INSC: variants seen among roughly 807,000 people sequenced by gnomAD.
INSC encodes INSC spindle orientation adaptor protein.
Under a neutral mutation model 58.6 loss-of-function variants are expected in INSC, and 67 were observed. The observed-to-expected ratio is 1.14, with a 90% CI of 0.94 to 1.40. The LOEUF (loss-of-function observed/expected upper bound fraction) is 1.40, where lower values mean the gene tolerates loss of function less well. INSC is among the 40% of genes most tolerant of loss of function. INSC has a pLI of 0.00. For synonymous variants in INSC, 262 were observed against 276.1 expected (o/e 0.95, Z 0.51); for missense variants, 714 against 692.0 (o/e 1.03, Z -0.36).
chr11:15,168,947 G>A (rs1849296874), intron 2 of INSC, among the ~76,000 whole-genome samples: 1 of 152,106 alleles, frequency 6.6e-6, no homozygotes, highest in Non-Finnish European at 1.5e-5. Flanking sequence ...AAAAATTTCA[G>A]AAAATGGAAA....
chr11:15,199,821 A>G (rs1466308622), intron 6 of INSC, among the ~76,000 whole-genome samples: 1 of 152,202 alleles, frequency 6.6e-6, no homozygotes, highest in Non-Finnish European at 1.5e-5. Flanking sequence ...AAAGAGGGAA[A>G]GATCTGGGCA....
intron 12 of INSC, among the ~76,000 whole-genome samples, chr11:15,244,058 A>C (rs184610620): frequency 6.6e-6 from 1 of 151,216 alleles, no homozygotes; most frequent in Non-Finnish European, 1.5e-5. Flanking sequence ...TGATAGGTCT[A>C]TGTTCTATTT....
intron 5 of INSC, among the ~76,000 whole-genome samples, chr11:15,187,950 T>C (rs536818224): frequency 6.6e-6 from 1 of 152,292 alleles, no homozygotes; most frequent in African/African-American, 2.4e-5. Flanking sequence ...GCAATTCCTA[T>C]GATGGATGCA....
chr11:15,195,012 G>C (rs1190858897), intron 6 of INSC, among the ~76,000 whole-genome samples: 1 of 152,174 alleles, frequency 6.6e-6, no homozygotes, highest in Non-Finnish European at 1.5e-5. Flanking sequence ...TGTGCTGCGT[G>C]GGTTGAGGAC....
chr11:15,267,614 C>A, the INSC span, among the ~76,000 whole-genome samples: 1 of 151,900 alleles, frequency 6.6e-6, no homozygotes, highest in South Asian at 2.1e-4. Context: ...CCTATCATGT[C>A]TTCACATGCT....
rs532289476 is a variant in INSC, at chr11:15,190,964, G to A, written c.693+150G>A. ...TGGGAGAGTCACTTATCCTATCTGG[G>A]ACTTGGTGTGTGCATTTTTTTTTTT... On this transcript the variant is annotated intron_variant, in intron 6 of 12. Coordinates refer to ENST00000379556, the MANE Select transcript of INSC (RefSeq NM_001042536.3). The A allele has an allele frequency of 6.5e-5, 37 of 571,356 alleles. 1 individual carries two copies. The South Asian group carries it at 8.4e-4, about 13-fold the overall frequency. 35.4% of individuals were successfully genotyped at this position (571,356 alleles called of 1,614,324 possible). A position where few individuals can be genotyped will look rare whatever the true frequency, so the allele number is the denominator to read the frequency against.
chr11:15,118,248 C>T (rs1439534570), intron 1 of INSC, among the ~76,000 whole-genome samples: 1 of 152,188 alleles, frequency 6.6e-6, no homozygotes, highest in Non-Finnish European at 1.5e-5. Context: ...GTCAGGGAAT[C>T]ATTTGTCACC....
At chr11:15,238,864 A>G in intron 10 of INSC, 55 bp from the exon 11 acceptor site, 1 of 1,571,940 alleles carries the variant, frequency 6.4e-7, no homozygotes, top group Middle Eastern at 1.7e-4. Context: ...AGCTGGCCCC[A>G]TGGGGAAGGC....
At chr11:15,232,322 A>G (rs944790374) in intron 9 of INSC, among the ~76,000 whole-genome samples, 8 of 152,168 alleles carry the variant, frequency 5.3e-5, no homozygotes, top group African/African-American at 1.9e-4. Context: ...GAGTCCTTTC[A>G]GGTTCTCCTG....
At chr11:15,190,859 A>G (rs757634839) in intron 6 of INSC, 45 bp downstream of exon 6, 1 of 1,315,860 alleles carries the variant, frequency 7.6e-7, no homozygotes, top group South Asian at 1.2e-5. Flanking sequence ...CTGGGGAAGT[A>G]TGAGGAAGCT....
intron 2 of INSC, among the ~76,000 whole-genome samples, chr11:15,156,328 G>A (rs1481756836): frequency 6.6e-6 from 1 of 152,216 alleles, no homozygotes; most frequent in East Asian, 1.9e-4. Context: ...GGGCAGTCTT[G>A]CATAGCAGAA....
chr11:15,210,753 C>T (rs75157945), intron 7 of INSC, among the ~76,000 whole-genome samples: 1 of 151,764 alleles, frequency 6.6e-6, no homozygotes, highest in African/African-American at 2.4e-5. Flanking sequence ...TCTCAGCCAC[C>T]CCTGAGTGCT....
intron 12 of INSC, among the ~76,000 whole-genome samples, chr11:15,242,325 C>T (rs1251147400): frequency 6.6e-6 from 1 of 152,198 alleles, no homozygotes. Flanking sequence ...TATCTTTAAT[C>T]ACTTGAAGGA....
chr11:15,225,212 C>T (rs987946515), intron 8 of INSC, among the ~76,000 whole-genome samples: 4 of 152,192 alleles, frequency 2.6e-5, no homozygotes, highest in East Asian at 1.9e-4. Context: ...CGCACCTCAG[C>T]GGAACACTAG....
chr11:15,261,116 G>C, the INSC span, among the ~76,000 whole-genome samples: 1 of 152,192 alleles, frequency 6.6e-6, no homozygotes, highest in Non-Finnish European at 1.5e-5. Context: ...ATATCCAAGA[G>C]ACTGAGAACT....
At chr11:15,221,931 A>G (rs1851458293) in intron 8 of INSC, among the ~76,000 whole-genome samples, 1 of 152,186 alleles carries the variant, frequency 6.6e-6, no homozygotes, top group Admixed American at 6.5e-5. Context: ...AGTCCAGGAC[A>G]AGCCCCAGAA....
chr11:15,204,762 C>T (rs1389559979), intron 7 of INSC, among the ~76,000 whole-genome samples: 7 of 152,214 alleles, frequency 4.6e-5, no homozygotes, highest in Non-Finnish European at 5.9e-5. Flanking sequence ...CAGCCTTCTC[C>T]GCCTGATTTA....
intron 2 of INSC, among the ~76,000 whole-genome samples, chr11:15,170,657 C>G (rs1484091184): frequency 6.6e-6 from 1 of 152,158 alleles, no homozygotes; most frequent in Non-Finnish European, 1.5e-5. Flanking sequence ...CTTTATTTCT[C>G]CCTTTTCTAT....
rs758446399 is a variant in INSC, at chr11:15,225,800, G to C, written c.1142G>C (p.Arg381Thr). 6.2e-7 allele frequency: 1 copy of C among 1,613,654 alleles called. No homozygotes were observed. Among genetic ancestry groups the C allele is most frequent in the Non-Finnish European group, 8.5e-7 (1 of 1,179,796 alleles). ...CTGGAAGCCTGCAGTGACAAGCAGA[G>C]AGTGGACACGCCTTACACTCGGGAC... ...VLLEACSDKQ[R>T]VDTPYTRDQI... Residue 381 changes from arginine (R) to threonine (T), a missense_variant, in exon 9 of 13, where the codon AGA (arginine) becomes ACA (threonine). Coordinates refer to ENST00000379556, the MANE Select transcript of INSC (RefSeq NM_001042536.3).
Sources: gnomAD v4.1 joint callset for allele counts (sites outside exome capture counted in the v4.1 genomes callset) on GRCh38, gnomAD v4.1.1 for gene constraint, MANE v1.5 for transcripts, NCBI Gene and HGNC (gene_info 2026-07-23, HGNC 2026-07-21) for gene names.